KCNMB2: variants seen among roughly 807,000 people sequenced by gnomAD.
KCNMB2 encodes the protein potassium calcium-activated channel subfamily M regulatory beta subunit 2.
KCNMB2 carries 9 observed loss-of-function variants against 24.5 expected under a neutral mutation model. That is an observed-to-expected ratio of 0.37 (90% CI 0.22 to 0.64). The LOEUF (loss-of-function observed/expected upper bound fraction) is 0.64. Ranked by LOEUF, KCNMB2 falls within the 30% of genes least tolerant of loss-of-function variation. The pLI is 0.63. For synonymous variants in KCNMB2, 109 were observed against 104.4 expected (o/e 1.04, Z -0.27); for missense variants, 226 against 284.3 (o/e 0.79, Z 1.47).
At chr3:178,733,271 T>C (rs1378001178) in intron 1 of KCNMB2, among the ~76,000 whole-genome samples, 6 of 152,022 alleles carry the variant, frequency 3.9e-5, no homozygotes, top group Non-Finnish European at 7.4e-5. Context: ...AGGACATCAC[T>C]GATATACTCC....
chr3:178,759,518 A>C (rs1316247816), intron 1 of KCNMB2, among the ~76,000 whole-genome samples: 3 of 123,690 alleles, frequency 2.4e-5, no homozygotes, highest in Non-Finnish European at 3.3e-5. Flanking sequence ...TATCTCTCCA[A>C]GAGGATATAT....
chr3:178,753,879 A>G (rs2108391982), intron 1 of KCNMB2, among the ~76,000 whole-genome samples: 1 of 152,066 alleles, frequency 6.6e-6, no homozygotes, highest in Non-Finnish European at 1.5e-5. Flanking sequence ...CGTAGGATGA[A>G]TCTCTTGAAC....
chr3:178,620,698 G>A (rs1365156069), intron 1 of KCNMB2, among the ~76,000 whole-genome samples: 1 of 152,116 alleles, frequency 6.6e-6, no homozygotes, highest in Non-Finnish European at 1.5e-5. Context: ...GTATTTTGGG[G>A]AAACACTAAC....
At position 178,760,380 on chromosome 3, in the gene KCNMB2, TTA is replaced by T. The variant is rs1291418701; in HGVS notation, c.-67-46953_-67-46952del. ...TATATCCATATCCAAGATATATATA[TTA>T]TATATATATCCATATCCAAGATATA... On this transcript the variant is annotated intron_variant, in intron 1 of 4. Coordinates refer to ENST00000452583, the MANE Select transcript of KCNMB2 (RefSeq NM_181361.3). Among the ~76,000 whole-genome samples, 12 of 126,808 alleles carry T rather than the reference TTA, an allele frequency of 9.5e-5. 1 individual carries two copies. The highest frequency in any genetic ancestry group is 1.8e-4 in the Non-Finnish European group (11 of 61,872). 83.2% of individuals were successfully genotyped at this position (126,808 alleles called of 152,430 possible).
intron 1 of KCNMB2, among the ~76,000 whole-genome samples, chr3:178,650,551 T>C (rs548511284): frequency 3.3e-5 from 5 of 152,204 alleles, no homozygotes; most frequent in African/African-American, 1.2e-4. Context: ...TCTCCCTCAC[T>C]CATTTCATGA....
chr3:178,667,369 G>A (rs1720754731), intron 1 of KCNMB2, among the ~76,000 whole-genome samples: 1 of 152,056 alleles, frequency 6.6e-6, no homozygotes, highest in Non-Finnish European at 1.5e-5. Flanking sequence ...CCTTCCTCAT[G>A]AAAGGGGTTA....
chr3:178,759,113 G>A (rs192327651), intron 1 of KCNMB2, among the ~76,000 whole-genome samples: 2 of 4,344 alleles, frequency 4.6e-4, no homozygotes, highest in Admixed American at 3.3e-3. Context: ...TCTCCAAGAG[G>A]GATATATATA....
intron 1 of KCNMB2, among the ~76,000 whole-genome samples, chr3:178,683,107 A>G (rs1024599356): frequency 2.0e-5 from 3 of 152,112 alleles, no homozygotes; most frequent in African/African-American, 7.2e-5. Flanking sequence ...TCAACAGTAG[A>G]TGGTACATAT....
At chr3:178,808,723 C>A (rs1190898308) in intron 2 of KCNMB2, among the ~76,000 whole-genome samples, 2 of 152,066 alleles carry the variant, frequency 1.3e-5, no homozygotes, top group Non-Finnish European at 2.9e-5. Context: ...AATGCTTTGA[C>A]ACAATATTAA....
intron 1 of KCNMB2, among the ~76,000 whole-genome samples, chr3:178,735,198 G>A (rs773763273): frequency 3.9e-5 from 6 of 152,230 alleles, no homozygotes; most frequent in African/African-American, 7.2e-5. Context: ...TGCCACACCA[G>A]AGAAGCTGAG....
chr3:178,588,365 G>A (rs1285986201), intron 1 of KCNMB2, among the ~76,000 whole-genome samples: 1 of 152,102 alleles, frequency 6.6e-6, no homozygotes, highest in Admixed American at 6.5e-5. Flanking sequence ...AATTTTCAGG[G>A]AACTTTAAGC....
chr3:178,646,983 T>A (rs540970740), intron 1 of KCNMB2, among the ~76,000 whole-genome samples: 36 of 152,204 alleles, frequency 2.4e-4, no homozygotes, highest in Non-Finnish European at 4.6e-4. Flanking sequence ...ATAAGTATGA[T>A]CTTATAGCTA....
At chr3:178,803,831 A>G (rs1172110833) in intron 1 of KCNMB2, among the ~76,000 whole-genome samples, 2 of 152,190 alleles carry the variant, frequency 1.3e-5, no homozygotes, top group Non-Finnish European at 2.9e-5. Context: ...TGAATCATGG[A>G]AACAGAAACT....
chr3:178,835,241 T>C (rs1715183152), intron 4 of KCNMB2, among the ~76,000 whole-genome samples: 1 of 152,038 alleles, frequency 6.6e-6, no homozygotes, highest in Admixed American at 6.6e-5. Context: ...GAAACAGTCA[T>C]GCATAGCAGT....
At chr3:178,635,632 C>A (rs961162424) in intron 1 of KCNMB2, among the ~76,000 whole-genome samples, 1 of 152,156 alleles carries the variant, frequency 6.6e-6, no homozygotes, top group Non-Finnish European at 1.5e-5. Flanking sequence ...GCAACTCTGC[C>A]CGGTTTTCTG....
At chr3:178,606,061 C>T (rs888986120) in intron 1 of KCNMB2, among the ~76,000 whole-genome samples, 11 of 152,112 alleles carry the variant, frequency 7.2e-5, no homozygotes, top group African/African-American at 2.7e-4. Context: ...GAAGGAATAC[C>T]ACCAGTTTGA....
At chr3:178,572,818 T>C (rs1007932058) in intron 1 of KCNMB2, among the ~76,000 whole-genome samples, 10 of 152,148 alleles carry the variant, frequency 6.6e-5, no homozygotes, top group African/African-American at 2.4e-4. Context: ...TCTAGGAAGT[T>C]ATGACTTTAA....
At chr3:178,686,631 T>C (rs1721481144) in intron 1 of KCNMB2, among the ~76,000 whole-genome samples, 1 of 152,210 alleles carries the variant, frequency 6.6e-6, no homozygotes, top group Admixed American at 6.5e-5. Context: ...AGGTGTCCTA[T>C]TTGGGGATAC....
intron 1 of KCNMB2, among the ~76,000 whole-genome samples, chr3:178,788,961 A>G (rs1560022411): frequency 6.6e-6 from 1 of 152,222 alleles, no homozygotes; most frequent in Non-Finnish European, 1.5e-5. Flanking sequence ...TTTGTTGGAT[A>G]AAGAAGTGAA....
Sources: gnomAD v4.1 joint callset for allele counts (sites outside exome capture counted in the v4.1 genomes callset) on GRCh38, gnomAD v4.1.1 for gene constraint, MANE v1.5 for transcripts, NCBI Gene and HGNC (gene_info 2026-07-23, HGNC 2026-07-21) for gene names.